RNLS: variants seen among roughly 807,000 people sequenced by gnomAD.
RNLS encodes the protein renalase.
In RNLS, 39 loss-of-function variants were observed where a neutral mutation model predicts 39.8. The observed-to-expected ratio is 0.98, with a 90% confidence interval of 0.76 to 1.28. The LOEUF (loss-of-function observed/expected upper bound fraction) is 1.28, where lower values mean the gene tolerates loss of function less well. Among genes scored for constraint, RNLS ranks in the 50% most tolerant of loss-of-function variants. The pLI is 0.00. For synonymous variants in RNLS, 147 were observed against 150.7 expected, an observed-to-expected ratio of 0.98 and a Z score of 0.18; for missense variants, 410 against 413.3, an observed-to-expected ratio of 0.99 and a Z score of 0.07.
chr10:88,291,271 C>T (rs1366650691), intron 6 of RNLS, among the ~76,000 whole-genome samples: 1 of 152,162 alleles, frequency 6.6e-6, no homozygotes, highest in African/African-American at 2.4e-5. Flanking sequence ...ATGTCTTTAG[C>T]ATTGCTGGTT....
At chr10:88,543,862 G>A (rs1263387734) in intron 4 of RNLS, among the ~76,000 whole-genome samples, 2 of 152,140 alleles carry the variant, frequency 1.3e-5, no homozygotes, top group Non-Finnish European at 2.9e-5. Context: ...CTTTGTTTGA[G>A]ACAGCATAAG....
At chr10:88,365,073 C>A (rs1849950231) in intron 4 of RNLS, among the ~76,000 whole-genome samples, 1 of 151,892 alleles carries the variant, frequency 6.6e-6, no homozygotes, top group African/African-American at 2.4e-5. Context: ...GTGGTAAATC[C>A]CACTAGGTAG....
chr10:88,203,456 G>GTATGTGTGTATATATATATATATA, the RNLS span, among the ~76,000 whole-genome samples: 1 of 1,206 alleles, frequency 8.3e-4, no homozygotes, highest in Non-Finnish European at 1.6e-3. Flanking sequence ...GTGTGTGTGT[G>GTATGTGTGTATATATATATATATA]TATATATATA....
chr10:88,519,333 A>G (rs1225966107), intron 4 of RNLS, among the ~76,000 whole-genome samples: 1 of 151,916 alleles, frequency 6.6e-6, no homozygotes, highest in Non-Finnish European at 1.5e-5. Flanking sequence ...TGCCTCCCAC[A>G]TGTAATCTCA....
chr10:88,379,439 T>C (rs1851280091), intron 4 of RNLS, among the ~76,000 whole-genome samples: 1 of 152,228 alleles, frequency 6.6e-6, no homozygotes, highest in South Asian at 2.1e-4. Flanking sequence ...TGATTTTTTT[T>C]TTCTTTCTTT....
chr10:88,403,606 GCA>G (rs1295398278), intron 4 of RNLS, among the ~76,000 whole-genome samples: 1 of 151,918 alleles, frequency 6.6e-6, no homozygotes, highest in Non-Finnish European at 1.5e-5. Context: ...TTCTATATTT[GCA>G]CACACTTGAA....
chr10:88,480,113 A>T (rs1844069102), intron 4 of RNLS, among the ~76,000 whole-genome samples: 1 of 152,010 alleles, frequency 6.6e-6, no homozygotes, highest in South Asian at 2.1e-4. Flanking sequence ...GCATAGGCCT[A>T]TTTTCCTATT....
chr10:88,287,997 A>G (rs1200304090), intron 6 of RNLS, among the ~76,000 whole-genome samples: 1 of 152,150 alleles, frequency 6.6e-6, no homozygotes, highest in Non-Finnish European at 1.5e-5. Context: ...AGACTGGGGC[A>G]ATTAAATGGA....
the RNLS span, among the ~76,000 whole-genome samples, chr10:88,194,965 T>C: frequency 6.6e-6 from 1 of 152,240 alleles, no homozygotes; most frequent in African/African-American, 2.4e-5. Flanking sequence ...ACAATCCATA[T>C]GTTCATGGAA....
At chr10:88,534,950 C>G (rs1319968810) in intron 4 of RNLS, among the ~76,000 whole-genome samples, 2 of 151,852 alleles carry the variant, frequency 1.3e-5, no homozygotes, top group South Asian at 4.2e-4. Context: ...ACCTTGGAGA[C>G]AGAAAAAATC....
intron 4 of RNLS, among the ~76,000 whole-genome samples, chr10:88,391,381 A>C (rs1030474239): frequency 9.9e-5 from 15 of 152,176 alleles, no homozygotes; most frequent in Non-Finnish European, 1.5e-5. Flanking sequence ...AACATGGTGA[A>C]ACCCCATCTC....
chr10:88,298,807 CAG>C lies in RNLS; in HGVS notation c.877-13303_877-13302del, dbSNP rs1177043876. On this transcript the variant is annotated intron_variant, in intron 6 of 6. Transcript: ENST00000331772. The stretch of plus-strand genomic sequence containing the variant: ...TTTTTTTCAAGATTGTTTTGGCTAT[CAG>C]GGGGTCCTTGTGGTTCCGTATAAAT... Among the ~76,000 whole-genome samples, 5 of 152,178 alleles carry C rather than the reference CAG, an allele frequency of 3.3e-5. No homozygotes were observed. The East Asian group carries it at 7.7e-4, about 24-fold the overall frequency.
chr10:88,409,977 A>C (rs1853554253), intron 4 of RNLS, among the ~76,000 whole-genome samples: 1 of 152,086 alleles, frequency 6.6e-6, no homozygotes, highest in Non-Finnish European at 1.5e-5. Context: ...CCTTGCAACT[A>C]CTCAGCTCTG....
At chr10:88,201,207 G>C in the RNLS span, among the ~76,000 whole-genome samples, 1 of 152,194 alleles carries the variant, frequency 6.6e-6, no homozygotes, top group Admixed American at 6.5e-5. Flanking sequence ...AATTATGTTC[G>C]AAGATAATTT....
chr10:88,383,538 C>A (rs1230983208), intron 4 of RNLS, among the ~76,000 whole-genome samples: 1 of 152,140 alleles, frequency 6.6e-6, no homozygotes, highest in Non-Finnish European at 1.5e-5. Context: ...AAACGTGCAG[C>A]AGATATATCT....
intron 4 of RNLS, among the ~76,000 whole-genome samples, chr10:88,441,400 A>T (rs535419048): frequency 5.3e-5 from 8 of 152,336 alleles, no homozygotes; most frequent in Non-Finnish European, 1.2e-4. Flanking sequence ...AGAGGAACAC[A>T]TTATTGTGCT....
intron 4 of RNLS, among the ~76,000 whole-genome samples, chr10:88,460,512 T>TA (rs1214211007): frequency 6.6e-6 from 1 of 152,092 alleles, no homozygotes; most frequent in East Asian, 1.9e-4. Flanking sequence ...ATTTCCCGTT[T>TA]ATCACCTTAA....
At chr10:88,502,446 A>G (rs185445891) in intron 4 of RNLS, among the ~76,000 whole-genome samples, 219 of 152,150 alleles carry the variant, frequency 1.4e-3, no homozygotes, top group African/African-American at 4.6e-3. Context: ...TTTCTCTCTA[A>G]TGCATCCTCA....
At chr10:88,570,256 T>C (rs1056739289) in intron 4 of RNLS, among the ~76,000 whole-genome samples, 1 of 152,218 alleles carries the variant, frequency 6.6e-6, no homozygotes, top group Admixed American at 6.5e-5. Flanking sequence ...AGGTCCATTG[T>C]CAATATAGAG....
Sources: gnomAD v4.1 joint callset for allele counts (sites outside exome capture counted in the v4.1 genomes callset) on GRCh38, gnomAD v4.1.1 for gene constraint, MANE v1.5 for transcripts, NCBI Gene and HGNC (gene_info 2026-07-23, HGNC 2026-07-21) for gene names.